The following PCDH11X variants were observed in gnomAD, a reference collection of about 807,000 sequenced individuals.
The protein encoded by PCDH11X is protocadherin-11 X-linked.
PCDH11X carries 18 observed loss-of-function variants against 53.3 expected under a neutral mutation model. The ratio of observed to expected loss-of-function variants is 0.34; its 90% confidence interval spans 0.23 to 0.50. The LOEUF is 0.50. Ranked by LOEUF, PCDH11X falls within the 20% of genes least tolerant of loss-of-function variation. The pLI, the probability that PCDH11X is intolerant of heterozygous loss-of-function variation, is 0.98. For missense variants in PCDH11X, 570 were observed against 1,032.4 expected, an observed-to-expected ratio of 0.55 and a Z score of 6.14; for synonymous variants, 279 against 393.3, an observed-to-expected ratio of 0.71 and a Z score of 3.44.
chrX:91,870,909 C>T (rs1939258488), intron 5 of PCDH11X, among the ~76,000 whole-genome samples: 1 of 110,694 alleles, frequency 9.0e-6, no homozygotes. Context: ...TTTAAAGTAG[C>T]GAGGGACTTG....
chrX:91,947,146 T>A (rs2147865557), intron 6 of PCDH11X, among the ~76,000 whole-genome samples: 1 of 108,550 alleles, frequency 9.2e-6, no homozygotes, highest in African/African-American at 3.3e-5. Context: ...AAAATTTTTA[T>A]AAAAATTTTG....
intron 8 of PCDH11X, among the ~76,000 whole-genome samples, chrX:92,377,081 A>G (rs1281376039): frequency 8.9e-6 from 1 of 112,119 alleles, no homozygotes; most frequent in East Asian, 2.8e-4. Context: ...TATCATTTTG[A>G]AATTTAATAG....
At chrX:92,177,660 A>C (rs1033708037) in intron 6 of PCDH11X, among the ~76,000 whole-genome samples, 3 of 111,654 alleles carry the variant, frequency 2.7e-5, no homozygotes, top group African/African-American at 9.8e-5. Context: ...TCATTTTGTG[A>C]GTTAAATCTG....
At chrX:92,213,790 A>G (rs1045592338) in intron 7 of PCDH11X, among the ~76,000 whole-genome samples, 1 of 112,410 alleles carries the variant, frequency 8.9e-6, no homozygotes, top group Non-Finnish European at 1.9e-5. Context: ...TATGCCTTTT[A>G]TATCTACCAG....
chrX:92,449,214 C>A (rs775847626), intron 9 of PCDH11X, among the ~76,000 whole-genome samples: 5 of 112,045 alleles, frequency 4.5e-5, no homozygotes, highest in African/African-American at 1.6e-4. Context: ...AGAGAAAAAT[C>A]TCAACAAATA....
chrX:92,288,939 C>T lies in PCDH11X; in HGVS notation c.3144+25796C>T, dbSNP rs751123013. On this transcript the variant is annotated intron_variant, in intron 8 of 10. Coordinates refer to ENST00000682573, the MANE Select transcript of PCDH11X (RefSeq NM_032968.5). ...AATGCTGTATTGAAAGGTAATCACT[C>T]TGCAGTTGATCCCGCTATAATTTCT... Among the ~76,000 whole-genome samples the T allele has an allele frequency of 4.7e-3, 518 of 110,306 alleles. 2 individuals carry two copies. Among genetic ancestry groups the T allele is most frequent in the African/African-American group, 0.017 (504 of 30,432 alleles).
intron 7 of PCDH11X, among the ~76,000 whole-genome samples, chrX:92,230,237 C>G (rs2067040896): frequency 9.4e-6 from 1 of 105,996 alleles, no homozygotes; most frequent in African/African-American, 3.4e-5. Flanking sequence ...TGTCAACATG[C>G]AGGAAATATG....
intron 6 of PCDH11X, among the ~76,000 whole-genome samples, chrX:92,012,031 A>G (rs1347110655): frequency 9.0e-6 from 1 of 111,229 alleles, no homozygotes; most frequent in Admixed American, 9.7e-5. Flanking sequence ...AGTTTTTTCA[A>G]AAGTCAATCT....
intron 6 of PCDH11X, among the ~76,000 whole-genome samples, chrX:92,125,904 A>G (rs1326957925): frequency 9.1e-6 from 1 of 110,442 alleles, no homozygotes; most frequent in Non-Finnish European, 1.9e-5. Context: ...AGGCAGGTGG[A>G]TCACCTGAGG....
chrX:92,500,958 A>G (rs2073949498), intron 10 of PCDH11X, among the ~76,000 whole-genome samples: 1 of 111,269 alleles, frequency 9.0e-6, no homozygotes, highest in Non-Finnish European at 1.9e-5. Flanking sequence ...GAAAAAAATA[A>G]TAAAGTAGAT....
chrX:91,819,011 G>A (rs2147576490), intron 4 of PCDH11X, among the ~76,000 whole-genome samples: 1 of 112,037 alleles, frequency 8.9e-6, no homozygotes, highest in Non-Finnish European at 1.9e-5. Flanking sequence ...ATCCAACTCT[G>A]TACAGGCAGA....
chrX:92,479,929 C>T (rs1479026207), intron 10 of PCDH11X, among the ~76,000 whole-genome samples: 1 of 111,272 alleles, frequency 9.0e-6, no homozygotes, highest in East Asian at 2.8e-4. Context: ...TGGATGATAT[C>T]CTGAAATATG....
At chrX:91,817,844 T>G (rs769025166) in intron 4 of PCDH11X, among the ~76,000 whole-genome samples, 50 of 111,553 alleles carry the variant, frequency 4.5e-4, no homozygotes, top group African/African-American at 1.6e-3. Flanking sequence ...CAAGTCCTGA[T>G]GCAAAGTAAT....
chrX:92,291,888 A>G (rs1023196179), intron 8 of PCDH11X, among the ~76,000 whole-genome samples: 1 of 110,743 alleles, frequency 9.0e-6, no homozygotes, highest in African/African-American at 3.3e-5. Context: ...AAAAAGAGAA[A>G]GAAAAAAGAA....
intron 6 of PCDH11X, among the ~76,000 whole-genome samples, chrX:92,001,430 AT>A (rs1278613556): frequency 9.9e-6 from 1 of 100,775 alleles, no homozygotes; most frequent in African/African-American, 3.7e-5. Flanking sequence ...GGATTATTAG[AT>A]TTTCTTCCTA....
chrX:92,569,845 C>T (rs1602353589), intron 10 of PCDH11X: 1 of 128,933 alleles, frequency 7.8e-6, no homozygotes, highest in East Asian at 2.8e-4. Flanking sequence ...GTGAAACCCC[C>T]TCTCTACTAA....
chrX:91,927,299 A>G (rs1941979050), intron 6 of PCDH11X, among the ~76,000 whole-genome samples: 1 of 110,032 alleles, frequency 9.1e-6, no homozygotes, highest in African/African-American at 3.3e-5. Context: ...CAAATTCACC[A>G]TCTAAGTGTC....
chrX:91,839,884 T>A (rs1222753832), intron 5 of PCDH11X, among the ~76,000 whole-genome samples: 1 of 111,660 alleles, frequency 9.0e-6, no homozygotes, highest in East Asian at 2.8e-4. Context: ...CATACTGCAA[T>A]GCTAATTCCC....
chrX:92,112,472 T>C (rs2148160997), intron 6 of PCDH11X, among the ~76,000 whole-genome samples: 1 of 110,870 alleles, frequency 9.0e-6, no homozygotes, highest in South Asian at 3.7e-4. Context: ...AGTTAAACTA[T>C]TAATGATTTT....
Sources: gnomAD v4.1 joint callset for allele counts (sites outside exome capture counted in the v4.1 genomes callset) on GRCh38, gnomAD v4.1.1 for gene constraint, MANE v1.5 for transcripts, NCBI Gene and HGNC (gene_info 2026-07-23, HGNC 2026-07-21) for gene names.